The following RAD52 variants were observed in gnomAD, a reference collection of about 807,000 sequenced individuals.
The protein encoded by RAD52 is RAD52 DNA repair protein, also known as DNA repair protein RAD52 homolog.
In RAD52, 47 loss-of-function variants were observed where a neutral mutation model predicts 55.5. The observed-to-expected ratio is 0.85, with a 90% CI of 0.67 to 1.08. The LOEUF is 1.08. Ranked by LOEUF, RAD52 falls within the 50% of genes least tolerant of loss-of-function variation. RAD52 has a pLI of 0.00. For synonymous variants in RAD52, 184 were observed against 198.9 expected, an observed-to-expected ratio of 0.92 and a Z score of 0.63; for missense variants, 468 against 522.8, an observed-to-expected ratio of 0.90 and a Z score of 1.02.
intron 1 of RAD52, among the ~76,000 whole-genome samples, chr12:981,198 G>A (rs988856040): frequency 1.6e-4 from 25 of 151,560 alleles, no homozygotes; most frequent in Non-Finnish European, 8.8e-5. Flanking sequence ...CCAGATGTGG[G>A]GGCAAGTGGC....
chr12:914,745 G>A (rs1442612994), intron 9 of RAD52, among the ~76,000 whole-genome samples: 1 of 152,208 alleles, frequency 6.6e-6, no homozygotes, highest in Non-Finnish European at 1.5e-5. Context: ...CTTCTCACCA[G>A]TGGGAAAAAC....
chr12:925,026 C>T (rs1956951905), intron 7 of RAD52, among the ~76,000 whole-genome samples: 1 of 149,680 alleles, frequency 6.7e-6, no homozygotes, highest in African/African-American at 2.5e-5. Flanking sequence ...TCTCGGCTCA[C>T]TGCAAGCTCT....
rs1555167053 is a variant in RAD52, at chr12:912,174, C to CTAA, written c.*1214_*1216dup. ...TAGAAACAGTTGCGTTTGAGCATCC[C>CTAA]TAATTGAAATGCTCTGAGATCAGAA... On this transcript the variant is annotated 3_prime_UTR_variant, in exon 12 of 12. Coordinates refer to ENST00000358495, the MANE Select transcript of RAD52 (RefSeq NM_134424.4). 2.0e-5 allele frequency: 4 copies of CTAA among 196,402 alleles called. No homozygotes were observed. Among genetic ancestry groups the CTAA allele is most frequent in the East Asian group, 7.9e-5 (1 of 12,704 alleles). 12.2% of individuals were successfully genotyped at this position (196,402 alleles called of 1,614,324 possible).
rs1333778981 is a variant in RAD52, at chr12:911,940, T to C, written c.*1451A>G. ...CGGGAGCCTGAGGCAGGAGAATTGC[T>C]TGAATCCTGGCAGGCGGAGGCTGCA... On this transcript the variant is annotated 3_prime_UTR_variant, in exon 12 of 12. Transcript: ENST00000358495. The C allele has an allele frequency of 1.1e-5, 2 of 187,744 alleles. No homozygotes were observed. Among genetic ancestry groups the C allele is most frequent in the East Asian group, 8.5e-5 (1 of 11,702 alleles). The allele number at this position is 187,744 out of a possible 1,614,324, so 11.6% of individuals were successfully genotyped here.
chr12:914,344 ATG>A, intron 10 of RAD52, 85 bp downstream of exon 10: 1 of 1,554,142 alleles, frequency 6.4e-7, no homozygotes. Context: ...CCACACGAAA[ATG>A]AGGATTTTTA....
At chr12:979,560 C>T (rs923634367) in intron 1 of RAD52, among the ~76,000 whole-genome samples, 5 of 151,044 alleles carry the variant, frequency 3.3e-5, no homozygotes, top group African/African-American at 1.2e-4. Context: ...TCTCTCTGTG[C>T]GTGTGTGTGT....
rs372092138 is a variant in RAD52, at chr12:927,389, G to T, written c.349-126C>A. 9.7e-6 allele frequency: 7 copies of T among 721,828 alleles called. No individual in the cohort carries two copies. The Admixed American group carries it at 1.4e-4, about 15-fold the overall frequency. 44.7% of individuals were successfully genotyped at this position (721,828 alleles called of 1,614,324 possible). On this transcript the variant is annotated intron_variant, in intron 5 of 11. Transcript: ENST00000358495. Reference sequence around the variant, plus strand: ...CCTGGCGGCCTTGCTACAGGGGCACGGGCAGAAGGCTGGGTGAGAATCCAT... The same window carrying T: ...CCTGGCGGCCTTGCTACAGGGGCACTGGCAGAAGGCTGGGTGAGAATCCAT...
Position 927,262 on chromosome 12 carries a change from T to C in RAD52, c.350A>G (p.Asp117Gly), listed in dbSNP as rs773548448. The C allele has an allele frequency of 6.2e-7, 1 of 1,609,728 alleles. No homozygotes were observed. Among genetic ancestry groups the C allele is most frequent in the South Asian group, 1.1e-5 (1 of 90,964 alleles). Reference sequence around the variant, plus strand: ...ACCAACATCTTCATGATATGAACCATCCTGGGGGCAGAAAAGGAGTTTGAA... The same window carrying C: ...ACCAACATCTTCATGATATGAACCACCCTGGGGGCAGAAAAGGAGTTTGAA... ...VCAFVRVQLK[D>G]GSYHEDVGYG... The change falls in exon 6 of 12, where the codon GAT becomes GGT. Residue 117 changes from aspartate to glycine, a missense_variant and splice_region_variant. Physicochemically the swap from Asp to Gly is moderately conservative, Grantham distance 94. Transcript: ENST00000358495.
chr12:954,283 G>A (rs543943892), upstream of RAD52, among the ~76,000 whole-genome samples: 1 of 152,216 alleles, frequency 6.6e-6, no homozygotes, highest in South Asian at 2.1e-4. Context: ...TACTCTGTTA[G>A]CTGCTTATTA....
At chr12:945,403 T>C (rs1038256239) in intron 1 of RAD52, among the ~76,000 whole-genome samples, 15 of 150,874 alleles carry the variant, frequency 9.9e-5, no homozygotes, top group African/African-American at 3.6e-4. Flanking sequence ...TGTCATTACC[T>C]CTAAAGCCTT....
At chr12:914,194 GC>G in intron 10 of RAD52, 73 bp from the exon 11 acceptor site, 1 of 1,443,140 alleles carries the variant, frequency 6.9e-7, no homozygotes, top group Non-Finnish European at 9.5e-7. Flanking sequence ...GGAAAAACTG[GC>G]CCTCAGAAAT....
chr12:973,857 G>A (rs552071634), intron 1 of RAD52, among the ~76,000 whole-genome samples: 16 of 146,552 alleles, frequency 1.1e-4, no homozygotes, highest in African/African-American at 3.6e-4. Context: ...TGTGATCATA[G>A]CTATCTGTAG....
At chr12:948,660 CT>C (rs890074259) in intron 1 of RAD52, among the ~76,000 whole-genome samples, 11 of 149,092 alleles carry the variant, frequency 7.4e-5, no homozygotes, top group Admixed American at 2.0e-4. Flanking sequence ...TATGTCTCCA[CT>C]TTTTTTTAAA....
intron 7 of RAD52, among the ~76,000 whole-genome samples, chr12:924,556 T>G (rs904670307): frequency 6.6e-6 from 1 of 152,112 alleles, no homozygotes; most frequent in African/African-American, 2.4e-5. Context: ...AGGATGGGAA[T>G]GCTGCCCTGG....
chr12:943,324 AG>A (rs1470335495), intron 1 of RAD52, among the ~76,000 whole-genome samples: 1 of 152,216 alleles, frequency 6.6e-6, no homozygotes, highest in Non-Finnish European at 1.5e-5. Flanking sequence ...AGAGCAGCAG[AG>A]GCCCAATCCC....
chr12:932,228 C>T (rs1957359104), intron 2 of RAD52, among the ~76,000 whole-genome samples: 1 of 152,112 alleles, frequency 6.6e-6, no homozygotes, highest in South Asian at 2.1e-4. Flanking sequence ...GGCGTGGTGG[C>T]TCACGCCTGT....
intron 1 of RAD52, among the ~76,000 whole-genome samples, chr12:961,331 A>AAAAAAAAAAAAAAAAAAAAAAAAAC (rs1763151511): frequency 6.7e-6 from 1 of 148,916 alleles, no homozygotes; most frequent in African/African-American, 2.5e-5. Flanking sequence ...AAAAAAAAAA[A>AAAAAAAAAAAAAAAAAAAAAAAAAC]AGGGCCAGTG....
At chr12:929,636 G>GT (rs1262484381) in intron 5 of RAD52, 183 bp downstream of exon 5, 1 of 783,240 alleles carries the variant, frequency 1.3e-6, no homozygotes, top group Non-Finnish European at 2.3e-6. Flanking sequence ...CAAGAGAACA[G>GT]TTTTTCCATT....
upstream of RAD52, among the ~76,000 whole-genome samples, chr12:954,027 C>CT (rs2154120259): frequency 1.3e-5 from 2 of 152,292 alleles, no homozygotes; most frequent in East Asian, 3.9e-4. Context: ...TGATTCACAA[C>CT]TTTCGGCAGT....
Sources: gnomAD v4.1 joint callset for allele counts (sites outside exome capture counted in the v4.1 genomes callset) on GRCh38, gnomAD v4.1.1 for gene constraint, MANE v1.5 for transcripts, NCBI Gene and HGNC (gene_info 2026-07-23, HGNC 2026-07-21) for gene names.